Variants in SYT14 observed in about 807,000 individuals in gnomAD.
The protein encoded by SYT14 is synaptotagmin-14.
SYT14 carries 32 observed loss-of-function variants against 74.2 expected under a neutral mutation model. The observed-to-expected ratio is 0.43, with a 90% CI of 0.33 to 0.58. The LOEUF (loss-of-function observed/expected upper bound fraction) is 0.58. Among genes scored for constraint, SYT14 ranks in the 20% least tolerant of loss-of-function variants. SYT14 has a pLI of 0.05. For missense variants in SYT14, 791 were observed against 981.8 expected, an observed-to-expected ratio of 0.81 and a Z score of 2.60; for synonymous variants, 298 against 337.7, an observed-to-expected ratio of 0.88 and a Z score of 1.29.
At chr1:209,992,101 T>G (rs1241351685) in intron 2 of SYT14, among the ~76,000 whole-genome samples, 1 of 152,204 alleles carries the variant, frequency 6.6e-6, no homozygotes, top group African/African-American at 2.4e-5. Context: ...GGAATCAACC[T>G]AAGTGTCTAC....
At chr1:210,100,829 A>C (rs2082051459) in intron 7 of SYT14, among the ~76,000 whole-genome samples, 2 of 152,134 alleles carry the variant, frequency 1.3e-5, no homozygotes, top group Non-Finnish European at 2.9e-5. Flanking sequence ...ATACATTAAG[A>C]AGTATCAGCC....
intron 5 of SYT14, among the ~76,000 whole-genome samples, chr1:210,045,653 T>C (rs1389027268): frequency 6.6e-6 from 1 of 152,184 alleles, no homozygotes; most frequent in Non-Finnish European, 1.5e-5. Context: ...CTTCTTATCT[T>C]CCTGTACTTT....
intron 7 of SYT14, among the ~76,000 whole-genome samples, chr1:210,143,424 G>A (rs1216791384): frequency 3.3e-5 from 5 of 152,054 alleles, no homozygotes; most frequent in Non-Finnish European, 7.4e-5. Flanking sequence ...TAGTTACTTG[G>A]AATTGGATAT....
chr1:209,987,648 T>G (rs1338474522), intron 2 of SYT14, among the ~76,000 whole-genome samples: 1 of 152,236 alleles, frequency 6.6e-6, no homozygotes, highest in East Asian at 1.9e-4. Flanking sequence ...TGGAGACAAA[T>G]ATCCAAACTA....
intron 7 of SYT14, among the ~76,000 whole-genome samples, chr1:210,125,869 A>G (rs1369924368): frequency 6.6e-6 from 1 of 152,204 alleles, no homozygotes; most frequent in Non-Finnish European, 1.5e-5. Context: ...TTCTTAACAT[A>G]TAATGTCTAA....
chr1:210,117,804 C>T (rs1410426964), intron 7 of SYT14, among the ~76,000 whole-genome samples: 8 of 152,088 alleles, frequency 5.3e-5, no homozygotes, highest in Non-Finnish European at 4.4e-5. Flanking sequence ...GGTCAAGTCT[C>T]AAGAAATTTT....
At chr1:210,042,763 A>G (rs1275570551) in intron 5 of SYT14, among the ~76,000 whole-genome samples, 1 of 152,120 alleles carries the variant, frequency 6.6e-6, no homozygotes, top group Non-Finnish European at 1.5e-5. Flanking sequence ...GTAGCCTTGT[A>G]ATATAGTTTG....
At position 210,036,644 on chromosome 1, in the gene SYT14, A is replaced by T. The variant is rs569496067; in HGVS notation, c.1312+15390A>T. On this transcript the variant is annotated intron_variant, in intron 5 of 9. Transcript: ENST00000637265. ...TGTTGAGAGATTTTATCATGAAGAG[A>T]TGCTGAATTTTATCAAATGCTTTTT... Among the ~76,000 whole-genome samples the T allele has an allele frequency of 1.5e-3, 223 of 152,138 alleles. 1 individual carries two copies. Among genetic ancestry groups the T allele is most frequent in the African/African-American group, 5.1e-3 (212 of 41,530 alleles).
chr1:210,121,630 T>TA (rs1183807355), intron 7 of SYT14, among the ~76,000 whole-genome samples: 1 of 151,770 alleles, frequency 6.6e-6, no homozygotes, highest in Non-Finnish European at 1.5e-5. Flanking sequence ...CTGTCTCTAC[T>TA]AAAAATACAA....
At chr1:210,085,162 A>G (rs546809751) in intron 5 of SYT14, among the ~76,000 whole-genome samples, 123 of 152,356 alleles carry the variant, frequency 8.1e-4, no homozygotes, top group South Asian at 6.4e-3. Context: ...ATGCTATTAT[A>G]TGTGAGATTT....
chr1:210,097,588 A>T (rs9787400), intron 6 of SYT14, among the ~76,000 whole-genome samples: 4,917 of 152,228 alleles, frequency 0.032, 565 homozygotes, highest in Admixed American at 0.23. Flanking sequence ...GACCTGATAA[A>T]CATTTTTATT....
At chr1:210,098,009 A>G (rs2081995617) in intron 6 of SYT14, among the ~76,000 whole-genome samples, 1 of 152,046 alleles carries the variant, frequency 6.6e-6, no homozygotes, top group East Asian at 1.9e-4. Context: ...TTTTGTCTCT[A>G]CTAAAAATCA....
At chr1:210,084,095 C>T (rs1460416833) in intron 5 of SYT14, among the ~76,000 whole-genome samples, 9 of 152,202 alleles carry the variant, frequency 5.9e-5, no homozygotes, top group Non-Finnish European at 1.3e-4. Flanking sequence ...TTACTTACAA[C>T]AGACATTTTA....
intron 5 of SYT14, among the ~76,000 whole-genome samples, chr1:210,050,444 C>T (rs1035854182): frequency 3.3e-5 from 5 of 152,214 alleles, no homozygotes; most frequent in African/African-American, 1.2e-4. Flanking sequence ...TTTCTGTCGT[C>T]TTCTGAGCCC....
intron 2 of SYT14, among the ~76,000 whole-genome samples, chr1:209,984,270 G>A (rs1347693447): frequency 6.6e-6 from 1 of 152,196 alleles, no homozygotes; most frequent in Non-Finnish European, 1.5e-5. Context: ...GGGGCTGAAG[G>A]ATGGGGGATG....
At chr1:210,110,775 G>A (rs772202961) in intron 7 of SYT14, among the ~76,000 whole-genome samples, 11 of 152,018 alleles carry the variant, frequency 7.2e-5, no homozygotes, top group East Asian at 1.9e-4. Context: ...ACAGAGTTTC[G>A]TTCTTGTTGC....
intron 2 of SYT14, among the ~76,000 whole-genome samples, chr1:209,998,231 T>C (rs1218304727): frequency 1.3e-5 from 2 of 151,910 alleles, no homozygotes; most frequent in Non-Finnish European, 1.5e-5. Context: ...AATAAAATAA[T>C]AAAGTTAGCC....
At chr1:209,976,765 C>T (rs1210032568) in intron 2 of SYT14, among the ~76,000 whole-genome samples, 4 of 152,118 alleles carry the variant, frequency 2.6e-5, no homozygotes, top group Non-Finnish European at 5.9e-5. Context: ...TCCTTGTTAA[C>T]TTTCTGTCTT....
At chr1:210,151,396 T>G (rs1014123551) in intron 7 of SYT14, among the ~76,000 whole-genome samples, 3 of 152,132 alleles carry the variant, frequency 2.0e-5, no homozygotes, top group Admixed American at 6.5e-5. Context: ...TTTGAGGTTG[T>G]TTGTTTTTGA....
Sources: gnomAD v4.1 joint callset for allele counts (sites outside exome capture counted in the v4.1 genomes callset) on GRCh38, gnomAD v4.1.1 for gene constraint, MANE v1.5 for transcripts, NCBI Gene and HGNC (gene_info 2026-07-23, HGNC 2026-07-21) for gene names.